SYNJ1: variants seen among roughly 807,000 people sequenced by gnomAD.
SYNJ1 encodes polyphosphatidylinositol phosphatase SYNJ1.
In SYNJ1, 78 loss-of-function variants were observed where a neutral mutation model predicts 168.2. The observed-to-expected ratio is 0.46, with a 90% CI of 0.39 to 0.56. SYNJ1 has a LOEUF of 0.56. Among genes scored for constraint, SYNJ1 ranks in the 20% least tolerant of loss-of-function variants. The pLI is 0.00. For missense variants in SYNJ1, 1,303 were observed against 1,597.6 expected, an observed-to-expected ratio of 0.82 and a Z score of 3.14; for synonymous variants, 539 against 548.6, an observed-to-expected ratio of 0.98 and a Z score of 0.24.
At chr21:32,677,583 G>C (rs1355716551) in intron 12 of SYNJ1, among the ~76,000 whole-genome samples, 3 of 152,124 alleles carry the variant, frequency 2.0e-5, no homozygotes, top group Non-Finnish European at 4.4e-5. Context: ...GGTGGAAAGA[G>C]GTGACAAAAC....
chr21:32,639,734 CG>C lies in SYNJ1; in HGVS notation c.3633del (p.His1211GlnfsTer9). Reference protein sequence around the residue: ...RAGVISAPQSHARASAGRLTP... With the variant: ...RAGVISAPQSXARASAGRLTP... ...GTCAGTCTTCCAGCAGATGCCCGCG[CG>C]TGGCTCTGTGGGGCACTGATAACTC... On this transcript the variant is annotated frameshift_variant, in exon 30 of 33. Coordinates refer to ENST00000674351, the MANE Select transcript of SYNJ1 (RefSeq NM_203446.3). LOFTEE classifies it high-confidence loss of function. The C allele has an allele frequency of 6.2e-7, 1 of 1,614,082 alleles. No individual in the cohort carries two copies. The highest frequency in any genetic ancestry group is 8.5e-7 in the Non-Finnish European group (1 of 1,180,016).
intron 6 of SYNJ1, among the ~76,000 whole-genome samples, chr21:32,689,249 G>C (rs540936821): frequency 6.6e-6 from 1 of 152,036 alleles, no homozygotes; most frequent in Non-Finnish European, 1.5e-5. Flanking sequence ...GGATCACTGA[G>C]GGGGGGCAAA....
At chr21:32,697,571 G>C (rs922810564) in intron 4 of SYNJ1, among the ~76,000 whole-genome samples, 1 of 151,934 alleles carries the variant, frequency 6.6e-6, no homozygotes, top group South Asian at 2.1e-4. Context: ...GGCTAAGGTG[G>C]GGGGGATCAC....
chr21:32,717,045 C>T (rs1322919448), intron 2 of SYNJ1, among the ~76,000 whole-genome samples: 1 of 152,004 alleles, frequency 6.6e-6, no homozygotes, highest in Non-Finnish European at 1.5e-5. Context: ...CTGCAACCTC[C>T]AACTCCTGGG....
chr21:32,631,900 T>C, intron 32 of SYNJ1, 99 bp from the exon 33 acceptor site: 1 of 1,144,852 alleles, frequency 8.7e-7, no homozygotes, highest in Non-Finnish European at 1.2e-6. Flanking sequence ...GGGGCAAGCA[T>C]GTAAATTTAG....
chr21:32,683,256 T>C (rs563960278), intron 10 of SYNJ1, among the ~76,000 whole-genome samples: 28 of 152,060 alleles, frequency 1.8e-4, no homozygotes, highest in African/African-American at 6.3e-4. Flanking sequence ...AGGGAAGACT[T>C]AGAAAGCTCA....
Position 32,706,864 on chromosome 21 carries a change from C to G in SYNJ1, c.125-4817G>C, listed in dbSNP as rs115922417. Among the ~76,000 whole-genome samples the G allele has an allele frequency of 1.2e-3, 180 of 152,042 alleles. 1 individual carries two copies. The highest frequency in any genetic ancestry group is 4.2e-3 in the African/African-American group (173 of 41,474). The stretch of plus-strand genomic sequence containing the variant: ...CAGAAAATTATTTTAGAATCTTCTA[C>G]TATAAAGAGATTATTTAAAATAAGA... On this transcript the variant is annotated intron_variant, in intron 2 of 32. Transcript: ENST00000674351.
At chr21:32,667,915 G>C (rs2041007942) in intron 15 of SYNJ1, among the ~76,000 whole-genome samples, 1 of 151,866 alleles carries the variant, frequency 6.6e-6, no homozygotes, top group Non-Finnish European at 1.5e-5. Context: ...ATTTTTGTCT[G>C]TTTGATTCAT....
rs536519864 is a variant in SYNJ1 at position 32,722,332 on chromosome 21, CTT to C, written c.124+4438_124+4439del. Among the ~76,000 whole-genome samples the C allele has an allele frequency of 4.2e-3, 632 of 151,854 alleles. 4 individuals are homozygous for C. The Middle Eastern group carries it at 0.052, about 12-fold the overall frequency. On this transcript the variant is annotated intron_variant, in intron 2 of 32. Coordinates refer to ENST00000674351, the MANE Select transcript of SYNJ1 (RefSeq NM_203446.3). ...TTGGGAGGCCAAGGCAGGTGGATCA[CTT>C]GAGTTCACGAGTTCAGATCAGCCTG...
chr21:32,728,130 G>T (rs1480449069), upstream of SYNJ1: 14 of 1,396,692 alleles, frequency 1.0e-5, no homozygotes, highest in African/African-American at 3.0e-5. Flanking sequence ...GCGCCGACCG[G>T]CTGGGCCTGG....
rs148676465 is a variant in SYNJ1, at chr21:32,631,073, G to C, written c.*732C>G. 1 of 1,614,180 alleles carries C rather than the reference G, an allele frequency of 6.2e-7. No homozygotes were observed. Among genetic ancestry groups the C allele is most frequent in the Non-Finnish European group, 8.5e-7 (1 of 1,180,034 alleles). ...AAGGATCTACTGGAGGGCTGGTGCC[G>C]GGCGGGAGCAGAGGGACAGGAGGTG... On this transcript the variant is annotated 3_prime_UTR_variant, in exon 33 of 33. Transcript: ENST00000674351.
chr21:32,710,238 A>C (rs2042777852), intron 2 of SYNJ1, among the ~76,000 whole-genome samples: 1 of 152,106 alleles, frequency 6.6e-6, no homozygotes, highest in Non-Finnish European at 1.5e-5. Flanking sequence ...TAAATAAATA[A>C]GGAGGGAGAG....
intron 14 of SYNJ1, among the ~76,000 whole-genome samples, chr21:32,672,085 G>A (rs141906006): frequency 0.05 from 3,465 of 69,960 alleles, no homozygotes; most frequent in East Asian, 0.059. Flanking sequence ...AAAAAAAAAA[G>A]AAAAAGAAAA....
chr21:32,631,572 C>G lies in SYNJ1; in HGVS notation c.*233G>C. ...TCGCATATTTTCCTGGGATTGACTC[C>G]GAGCTGGAATTGGAGGCATTGTTGG... is the stretch of plus-strand genomic sequence containing the variant. On this transcript the variant is annotated 3_prime_UTR_variant, in exon 33 of 33. Transcript: ENST00000674351. The G allele has an allele frequency of 6.2e-7, 1 of 1,614,014 alleles. No individual in the cohort carries two copies. Among genetic ancestry groups the G allele is most frequent in the East Asian group, 2.2e-5 (1 of 44,860 alleles).
Position 32,700,017 on chromosome 21 carries a change from G to C in SYNJ1, c.300C>G (p.Ser100=), listed in dbSNP as rs192548936. ...CGATTCGCAGTGATATAAACTCAGTGGAAGTAACTCGGAAAACTTCAGATT... is the reference window on the plus strand; with the variant it reads ...CGATTCGCAGTGATATAAACTCAGTCGAAGTAACTCGGAAAACTTCAGATT... ...IQESEVFRVT[S]TEFISLRIDS... Residue 100 remains serine (S), a synonymous_variant, in exon 4 of 33, where the codon TCC becomes TCG. Coordinates refer to ENST00000674351, the MANE Select transcript of SYNJ1 (RefSeq NM_203446.3). The C allele has an allele frequency of 1.2e-6, 2 of 1,614,130 alleles. No individual in the cohort carries two copies. The highest frequency in any genetic ancestry group is 4.5e-5 in the East Asian group (2 of 44,886).
intron 18 of SYNJ1, among the ~76,000 whole-genome samples, chr21:32,662,775 A>G (rs2040766860): frequency 6.6e-6 from 1 of 152,160 alleles, no homozygotes; most frequent in South Asian, 2.1e-4. Context: ...CCACTTGGAT[A>G]AAAAATGAAA....
chr21:32,690,953 T>C (rs1463831827), intron 6 of SYNJ1, among the ~76,000 whole-genome samples: 3 of 152,238 alleles, frequency 2.0e-5, no homozygotes, highest in Admixed American at 6.5e-5. Flanking sequence ...TAAAGGTATT[T>C]TTAAAAATCA....
At position 32,646,494 on chromosome 21, in the gene SYNJ1, C is replaced by G. The variant is rs1377454299; in HGVS notation, c.3146G>C (p.Ser1049Thr). 6.2e-7 allele frequency: 1 copy of G among 1,613,972 alleles called. No individual in the cohort carries two copies. The highest frequency in any genetic ancestry group is 8.5e-7 in the Non-Finnish European group (1 of 1,180,014). ...GTSPSSSPRT[S>T]PCQSPTISEG... is the part of the protein sequence containing the mutation. The stretch of plus-strand genomic sequence containing the variant: ...TGATATTGTAGGTGACTGGCAGGGA[C>G]TAGTTCGGGGTGAAGAGCTGGGGGA... Residue 1049 changes from serine to threonine, a missense_variant, in exon 24 of 33, where the codon AGT becomes ACT. Ser to Thr is a moderately conservative substitution (Grantham distance 58). Coordinates refer to ENST00000674351, the MANE Select transcript of SYNJ1 (RefSeq NM_203446.3).
intron 2 of SYNJ1, among the ~76,000 whole-genome samples, chr21:32,704,323 T>C (rs907846372): frequency 6.6e-6 from 1 of 152,208 alleles, no homozygotes; most frequent in Admixed American, 6.5e-5. Context: ...TGCATACTCT[T>C]AGAGCCAAAG....
Sources: gnomAD v4.1 joint callset for allele counts (sites outside exome capture counted in the v4.1 genomes callset) on GRCh38, gnomAD v4.1.1 for gene constraint, MANE v1.5 for transcripts, NCBI Gene and HGNC (gene_info 2026-07-23, HGNC 2026-07-21) for gene names.